Variants in SLC35F5 observed in about 807,000 individuals in gnomAD.
SLC35F5 encodes HCV NS5A-transactivated protein 3.
SLC35F5 carries 54 observed loss-of-function variants against 68.6 expected under a neutral mutation model. The observed-to-expected ratio is 0.79, with a 90% CI of 0.63 to 0.99. SLC35F5 has a LOEUF of 0.99. Ranked by LOEUF, SLC35F5 falls within the 50% of genes least tolerant of loss-of-function variation. SLC35F5 has a pLI of 0.00. For synonymous variants in SLC35F5, 211 were observed against 205.2 expected, an observed-to-expected ratio of 1.03 and a Z score of -0.24; for missense variants, 567 against 626.9, an observed-to-expected ratio of 0.90 and a Z score of 1.02.
At position 113,714,367 on chromosome 2, in the gene SLC35F5, T is replaced by C. The variant is rs1218282710; in HGVS notation, c.*851A>G. On this transcript the variant is annotated 3_prime_UTR_variant, in exon 16 of 16. Transcript: ENST00000245680. Reference sequence around the variant, plus strand: ...CAATACACAAATAGACGTATAAACATTGTATTTTAATAATACTCTTTGTCA... The same window carrying C: ...CAATACACAAATAGACGTATAAACACTGTATTTTAATAATACTCTTTGTCA... The C allele has an allele frequency of 6.6e-6, 1 of 152,144 alleles. No homozygotes were observed. The highest frequency in any genetic ancestry group is 1.5e-5 in the Non-Finnish European group (1 of 67,964). The allele number at this position is 152,144 out of a possible 1,614,324, so 9.4% of individuals were successfully genotyped here.
Position 113,724,272 on chromosome 2 carries a change from C to G in SLC35F5, c.1251-1078G>C, listed in dbSNP as rs142698273. 3.1e-3 allele frequency among the ~76,000 whole-genome samples: 474 copies of G among 152,234 alleles called. 5 individuals are homozygous for G. The highest frequency in any genetic ancestry group is 1.9e-3 in the Non-Finnish European group (131 of 67,978). ...AAACCTGGGAGGTAGAATTATAAAG[C>G]CTGTTTGACTTAATCCAGCTGTTAA... On this transcript the variant is annotated intron_variant, in intron 12 of 15. Coordinates refer to ENST00000245680, the MANE Select transcript of SLC35F5 (RefSeq NM_025181.5).
chr2:113,703,504 G>A (rs1229280133), downstream of SLC35F5, among the ~76,000 whole-genome samples: 1 of 152,066 alleles, frequency 6.6e-6, no homozygotes, highest in Non-Finnish European at 1.5e-5. Flanking sequence ...AGCAAATAGA[G>A]AGTCCTTATT....
rs1390434611 is a variant in SLC35F5 at position 113,742,793 on chromosome 2, G to A, written c.649C>T (p.Arg217Cys). 3.1e-6 allele frequency: 5 copies of A among 1,613,914 alleles called. No homozygotes were observed. The African/African-American group carries it at 4.0e-5, about 13-fold the overall frequency. The change falls in exon 7 of 16, where the codon CGC becomes TGC. Residue 217 changes from arginine (R) to cysteine (C), a missense_variant. Physicochemically the swap from Arg to Cys is radical, Grantham distance 180. Transcript: ENST00000245680. ...SSHALEAKLS[R>C]MSYPVKEQES... ...TGTTCTTTCACAGGATATGACATGCGAGACAACTTTGCTTCCAATGCATGA... is the reference window on the plus strand; with the variant it reads ...TGTTCTTTCACAGGATATGACATGCAAGACAACTTTGCTTCCAATGCATGA...
At chr2:113,747,321 T>C (rs1375405148) in intron 4 of SLC35F5, among the ~76,000 whole-genome samples, 1 of 151,708 alleles carries the variant, frequency 6.6e-6, no homozygotes, top group Non-Finnish European at 1.5e-5. Flanking sequence ...TTTCAAGGTC[T>C]GGATCACACT....
chr2:113,717,928 C>T lies in SLC35F5; in HGVS notation c.1497-78G>A, dbSNP rs932252676. On this transcript the variant is annotated intron_variant, in intron 14 of 15. Transcript: ENST00000245680. ...CCTCAAACCTTATTTATTCCATTGC[C>T]TGAAGCTATGTGGACAGGATGCAAG... 3 of 1,005,502 alleles carry T rather than the reference C, an allele frequency of 3.0e-6. No individual in the cohort carries two copies. The African/African-American group carries it at 4.9e-5, about 16-fold the overall frequency. 62.3% of individuals were successfully genotyped at this position (1,005,502 alleles called of 1,614,324 possible).
rs1676306112 is a variant in SLC35F5 at position 113,742,284 on chromosome 2, CA to C, written c.750+407del. 4.9e-5 allele frequency: 9 copies of C among 185,466 alleles called. No individual in the cohort carries two copies. The South Asian group carries it at 1.5e-3, about 30-fold the overall frequency. The allele number at this position is 185,466 out of a possible 1,614,324, so 11.5% of individuals were successfully genotyped here. A position where few individuals can be genotyped will look rare whatever the true frequency, so the allele number is the denominator to read the frequency against. ...CCTCATTTATATGAATATAAAACTG[CA>C]AAACACTTATTTGAAAAAAATCAAT... On this transcript the variant is annotated intron_variant, in intron 7 of 15. Coordinates refer to ENST00000245680, the MANE Select transcript of SLC35F5 (RefSeq NM_025181.5).
intron 7 of SLC35F5, among the ~76,000 whole-genome samples, chr2:113,736,167 C>T (rs768144017): frequency 6.6e-5 from 10 of 150,886 alleles, no homozygotes; most frequent in Non-Finnish European, 8.9e-5. Context: ...ATCTAGGCTG[C>T]GCGTAGTGGC....
At chr2:113,724,821 G>T (rs1173034304) in intron 12 of SLC35F5, among the ~76,000 whole-genome samples, 1 of 151,990 alleles carries the variant, frequency 6.6e-6, no homozygotes, top group East Asian at 1.9e-4. Context: ...GTTTATTATC[G>T]CATATCAGTA....
intron 7 of SLC35F5, among the ~76,000 whole-genome samples, chr2:113,736,515 T>C (rs1688102558): frequency 6.6e-6 from 1 of 152,166 alleles, no homozygotes. Flanking sequence ...TATTTAAATT[T>C]GAGAAAATTC....
intron 4 of SLC35F5, among the ~76,000 whole-genome samples, chr2:113,748,762 A>C (rs892798030): frequency 1.3e-5 from 2 of 152,202 alleles, no homozygotes; most frequent in African/African-American, 2.4e-5. Flanking sequence ...ACATGAGTAT[A>C]CATTTGCAGG....
At chr2:113,731,527 C>T (rs1055759150) in intron 10 of SLC35F5, 57 bp downstream of exon 10, 19 of 1,354,154 alleles carry the variant, frequency 1.4e-5, no homozygotes, top group East Asian at 4.6e-5. Flanking sequence ...CACATGAGCA[C>T]GCACATGTAA....
At chr2:113,753,168 C>CTT (rs1173478465) in intron 3 of SLC35F5, among the ~76,000 whole-genome samples, 5,251 of 48,768 alleles carry the variant, frequency 0.11, 1,516 homozygotes, top group Non-Finnish European at 0.13. Context: ...GTTTGTTTTT[C>CTT]TTTTTTTTTT....
chr2:113,718,545 T>TA (rs1559316932), intron 14 of SLC35F5, among the ~76,000 whole-genome samples: 2 of 152,148 alleles, frequency 1.3e-5, no homozygotes, highest in African/African-American at 2.4e-5. Context: ...ATATTTTTTT[T>TA]AAAAAAATGT....
chr2:113,713,858 G>A lies in SLC35F5; in HGVS notation c.*1360C>T, dbSNP rs1206192282. On this transcript the variant is annotated 3_prime_UTR_variant, in exon 16 of 16. Transcript: ENST00000245680. ...AGTTCTCAGAATGAAACAAAAGGAA[G>A]GCTAAACTTCATTTTAGACTCATGG... 1 of 151,516 alleles carries A rather than the reference G, an allele frequency of 6.6e-6. No individual in the cohort carries two copies. Among genetic ancestry groups the A allele is most frequent in the Non-Finnish European group, 1.5e-5 (1 of 67,904 alleles). The allele number at this position is 151,516 out of a possible 1,614,324, so 9.4% of individuals were successfully genotyped here.
At chr2:113,739,905 C>T (rs1676175447) in intron 7 of SLC35F5, among the ~76,000 whole-genome samples, 1 of 151,984 alleles carries the variant, frequency 6.6e-6, no homozygotes, top group Non-Finnish European at 1.5e-5. Context: ...TATATGCTTA[C>T]AATAAAGTAA....
chr2:113,704,620 G>A (rs9798411), downstream of SLC35F5, among the ~76,000 whole-genome samples: 73,541 of 151,780 alleles, frequency 0.48, 18,475 homozygotes, highest in Middle Eastern at 0.67. Context: ...TGGGGGACCC[G>A]GCACACCCTC....
downstream of SLC35F5, among the ~76,000 whole-genome samples, chr2:113,704,464 G>A (rs888454491): frequency 1.1e-4 from 16 of 152,198 alleles, no homozygotes; most frequent in African/African-American, 3.4e-4. Context: ...TGGGCACCGC[G>A]GAGCAGGGGG....
intron 13 of SLC35F5, among the ~76,000 whole-genome samples, chr2:113,722,278 C>G (rs1292250959): frequency 1.3e-5 from 2 of 151,976 alleles, no homozygotes; most frequent in Non-Finnish European, 2.9e-5. Context: ...CTGGCTAAGA[C>G]CTAGAGAAAA....
downstream of SLC35F5, among the ~76,000 whole-genome samples, chr2:113,706,566 A>T (rs2104943433): frequency 6.6e-6 from 1 of 152,310 alleles, no homozygotes; most frequent in Admixed American, 6.5e-5. Context: ...ATTATTCAAA[A>T]ATTTCACCTT....
Sources: gnomAD v4.1 joint callset for allele counts (sites outside exome capture counted in the v4.1 genomes callset) on GRCh38, gnomAD v4.1.1 for gene constraint, MANE v1.5 for transcripts, NCBI Gene and HGNC (gene_info 2026-07-23, HGNC 2026-07-21) for gene names.